The following PICALM variants were observed in gnomAD, a reference collection of about 807,000 sequenced individuals.
PICALM encodes phosphatidylinositol-binding clathrin assembly protein.
A neutral mutation model predicts 80.5 loss-of-function variants in PICALM; 40 were observed. The observed-to-expected ratio is 0.50, with a 90% CI of 0.39 to 0.65. PICALM has a LOEUF of 0.65. Among genes scored for constraint, PICALM ranks in the 30% least tolerant of loss-of-function variants. The pLI, the probability that PICALM is intolerant of heterozygous loss-of-function variation, is 0.00. For synonymous variants in PICALM, 288 were observed against 260.3 expected (o/e 1.11, Z -1.02); for missense variants, 676 against 778.9 (o/e 0.87, Z 1.57).
At chr11:86,041,291 T>C (rs2095960596) in intron 1 of PICALM, among the ~76,000 whole-genome samples, 1 of 152,192 alleles carries the variant, frequency 6.6e-6, no homozygotes, top group Admixed American at 6.5e-5. Context: ...TAAGCTTCAG[T>C]GCAGCAAATT....
Position 86,022,415 on chromosome 11 carries a change from G to A in PICALM, c.404C>T (p.Ala135Val). The change falls in exon 4 of 20, where the codon GCA becomes GTA. Residue 135 changes from alanine (A) to valine (V), a missense_variant. Transcript: ENST00000393346. ...AAATGCAACTTGTCTGTATGAAACT[G>A]CTTTCTCATTTAAATATCTACTATA... ...RRYSRYLNEK[A>V]VSYRQVAFDF... 6.3e-7 allele frequency: 1 copy of A among 1,593,142 alleles called. No individual in the cohort carries two copies.
At chr11:86,059,281 G>A (rs1377473562) in intron 1 of PICALM, among the ~76,000 whole-genome samples, 1 of 152,174 alleles carries the variant, frequency 6.6e-6, no homozygotes, top group East Asian at 1.9e-4. Flanking sequence ...TAGGTACTTG[G>A]AGAAGAGATA....
intron 1 of PICALM, among the ~76,000 whole-genome samples, chr11:86,035,431 T>C (rs950205618): frequency 2.6e-5 from 4 of 152,172 alleles, no homozygotes; most frequent in Non-Finnish European, 5.9e-5. Context: ...AAAACCACAC[T>C]GATACCCGAA....
At chr11:86,044,228 A>C (rs2096027167) in intron 1 of PICALM, among the ~76,000 whole-genome samples, 1 of 152,192 alleles carries the variant, frequency 6.6e-6, no homozygotes, top group Non-Finnish European at 1.5e-5. Context: ...TGTTTGAGGG[A>C]GGTTGCTAGG....
intron 1 of PICALM, among the ~76,000 whole-genome samples, chr11:86,055,818 T>C (rs890607748): frequency 2.0e-5 from 3 of 152,104 alleles, no homozygotes; most frequent in Non-Finnish European, 2.9e-5. Context: ...ATTTCTTAGA[T>C]ATATCGAAAG....
In PICALM at chr11:85,964,732, G is replaced by A. The variant is rs552126535; in HGVS notation, c.1945-5672C>T. ...TCATTCCATTATCAACCAGTCACTTGTGCATCTGTATTACACTCACCTTTA... is the reference window on the plus strand; with the variant it reads ...TCATTCCATTATCAACCAGTCACTTATGCATCTGTATTACACTCACCTTTA... On this transcript the variant is annotated intron_variant, in intron 19 of 19. Transcript: ENST00000393346. Among the ~76,000 whole-genome samples the A allele has an allele frequency of 4.0e-4, 61 of 152,238 alleles. 1 individual carries two copies. The South Asian group carries it at 0.012, about 31-fold the overall frequency.
intron 4 of PICALM, among the ~76,000 whole-genome samples, chr11:86,019,043 C>T (rs895351999): frequency 1.3e-5 from 2 of 151,952 alleles, no homozygotes; most frequent in South Asian, 2.1e-4. Context: ...TCTATTTACT[C>T]GCACAGAAAA....
At position 85,992,283 on chromosome 11, in the gene PICALM, TG is replaced by T. The variant is rs1332933620; in HGVS notation, c.1259-1885del. ...TAGGCTGAAAGTTCTGGGTGTGTTT[TG>T]TTTTTTTTTTTTTTGAGACAGAGTC... On this transcript the variant is annotated intron_variant, in intron 12 of 19. Coordinates refer to ENST00000393346, the MANE Select transcript of PICALM (RefSeq NM_007166.4). 1.6e-3 allele frequency among the ~76,000 whole-genome samples: 192 copies of T among 118,938 alleles called. 2 individuals carry two copies. Among genetic ancestry groups the T allele is most frequent in the African/African-American group, 6.2e-3 (186 of 29,810 alleles). The allele number at this position is 118,938 out of a possible 152,430, so 78.0% of individuals were successfully genotyped here. A position where few individuals can be genotyped will look rare whatever the true frequency, so the allele number is the denominator to read the frequency against.
At chr11:86,028,115 G>A (rs986729293) in intron 2 of PICALM, among the ~76,000 whole-genome samples, 2 of 151,810 alleles carry the variant, frequency 1.3e-5, no homozygotes, top group African/African-American at 2.4e-5. Context: ...TCCTTTCTAC[G>A]TTCATTATAT....
At chr11:86,043,048 T>C (rs2096003384) in intron 1 of PICALM, among the ~76,000 whole-genome samples, 2 of 152,134 alleles carry the variant, frequency 1.3e-5, no homozygotes, top group Non-Finnish European at 2.9e-5. Context: ...ACACCTGTTG[T>C]CCAGGGTCCC....
chr11:86,008,962 A>C (rs1424427594), intron 7 of PICALM, among the ~76,000 whole-genome samples: 1 of 151,358 alleles, frequency 6.6e-6, no homozygotes, highest in Non-Finnish European at 1.5e-5. Context: ...CAAAAAAAAA[A>C]AAAAAGAAAA....
intron 8 of PICALM, chr11:86,007,317 T>G (rs887522790): frequency 1.1e-5 from 3 of 285,312 alleles, no homozygotes; most frequent in Admixed American, 1.0e-4. Context: ...TTGAAGAGAT[T>G]AAATAAATGG....
At chr11:86,026,228 T>G (rs966426120) in intron 3 of PICALM, 64 bp downstream of exon 3, 6 of 867,722 alleles carry the variant, frequency 6.9e-6, no homozygotes, top group African/African-American at 6.6e-5. Flanking sequence ...AGAGTTCTAC[T>G]CTGGAGTAAT....
At chr11:86,040,003 CAAAAAAAAAAAAAA>C (rs752086947) in intron 1 of PICALM, among the ~76,000 whole-genome samples, 4 of 53,400 alleles carry the variant, frequency 7.5e-5, no homozygotes, top group Non-Finnish European at 1.4e-4. Flanking sequence ...GACGCCGTCT[CAAAAAAAAAAAAAA>C]AAAAAAAAAA....
At chr11:86,049,221 T>G (rs542348267) in intron 1 of PICALM, among the ~76,000 whole-genome samples, 1 of 152,240 alleles carries the variant, frequency 6.6e-6, no homozygotes, top group African/African-American at 2.4e-5. Context: ...TGGAACCCAG[T>G]GCAGTGAGCT....
intron 18 of PICALM, among the ~76,000 whole-genome samples, chr11:85,975,187 A>G (rs923079385): frequency 1.3e-5 from 2 of 152,210 alleles, no homozygotes; most frequent in African/African-American, 4.8e-5. Flanking sequence ...AGAAATTTCA[A>G]AGTAAATTTG....
At position 86,000,694 on chromosome 11, in the gene PICALM, A is replaced by T. The variant is rs1354458469; in HGVS notation, c.1103T>A (p.Ile368Lys). The change falls in exon 11 of 20, where the codon ATA becomes AAA. Residue 368 changes from isoleucine to lysine, a missense_variant. Physicochemically the swap from Ile to Lys is moderately radical, Grantham distance 102. Around this residue, in one of 2 missense-constraint regions of PICALM, gnomAD observed 391 missense variants for 383.6 expected, o/e 1.02. Transcript: ENST00000393346. ...TATGTCAATGGCTGGTGCAGTCATT[A>T]TCCCTCCTGCTGAGGTGGATACAGG... ...ASPVSTSAGG[I>K]MTAPAIDIFS... 6.2e-7 allele frequency: 1 copy of T among 1,611,888 alleles called. No homozygotes were observed. Among genetic ancestry groups the T allele is most frequent in the African/African-American group, 1.3e-5 (1 of 74,876 alleles).
rs1432589045 is a variant in PICALM at position 85,990,456 on chromosome 11, T to C, written c.1259-57A>G. On this transcript the variant is annotated intron_variant, in intron 12 of 19. Coordinates refer to ENST00000393346, the MANE Select transcript of PICALM (RefSeq NM_007166.4). ...AAGAAAGGAAGTAAATAAATTAGTA[T>C]TGTAATTAGTCAAAAGATGCAAAGT... 3.2e-5 allele frequency: 35 copies of C among 1,077,346 alleles called. 1 individual carries two copies. Among genetic ancestry groups the C allele is most frequent in the Non-Finnish European group, 4.3e-5 (33 of 762,460 alleles). 66.7% of individuals were successfully genotyped at this position (1,077,346 alleles called of 1,614,324 possible).
chr11:86,054,921 G>A (rs1051216153), intron 1 of PICALM, among the ~76,000 whole-genome samples: 1 of 152,150 alleles, frequency 6.6e-6, no homozygotes, highest in Non-Finnish European at 1.5e-5. Flanking sequence ...ACAGGCGTGA[G>A]CCACTGTGCC....
Sources: allele counts gnomAD v4.1 joint callset (sites outside exome capture counted in the v4.1 genomes callset), GRCh38; gene constraint gnomAD v4.1.1; regional missense constraint gnomAD v4.1.1; transcripts MANE v1.5; gene names NCBI Gene and HGNC (gene_info 2026-07-23, HGNC 2026-07-21).